BRCA1: variants seen among roughly 807,000 people sequenced by gnomAD.
The protein encoded by BRCA1 is BRCA1 DNA repair associated.
In BRCA1, 140 loss-of-function variants were observed where a neutral mutation model predicts 173.7. That is an observed-to-expected ratio of 0.81 (90% confidence interval 0.70 to 0.93). The LOEUF (loss-of-function observed/expected upper bound fraction) is 0.93. Among genes scored for constraint, BRCA1 ranks in the 40% least tolerant of loss-of-function variants. The pLI is 0.00. For missense variants in BRCA1, 1,983 were observed against 2,172.5 expected, an observed-to-expected ratio of 0.91 and a Z score of 1.73; for synonymous variants, 662 against 756.0, an observed-to-expected ratio of 0.88 and a Z score of 2.04.
At chr17:43,139,069 A>T (rs2056053366) in intron 1 of BRCA1, 1 of 664,408 alleles carries the variant, frequency 1.5e-6, no homozygotes, top group Non-Finnish European at 2.7e-6. Flanking sequence ...TATCTGGGGT[A>T]GTGTAACGTA....
chr17:43,110,640 C>A, intron 3 of BRCA1: 2 of 370,154 alleles, frequency 5.4e-6, no homozygotes, highest in Non-Finnish European at 1.1e-5. Flanking sequence ...ATTTATTGCT[C>A]ACATTCTATC....
At position 43,106,528 on chromosome 17, in the gene BRCA1, CA is replaced by C; in HGVS notation, c.139del (p.Cys47AlafsTer3). The C allele has an allele frequency of 6.3e-7, 1 of 1,590,446 alleles. No individual in the cohort carries two copies. Among genetic ancestry groups the C allele is most frequent in the South Asian group, 1.1e-5 (1 of 89,994 alleles). ...CTTCTGGTTGAGAAGTTTCAGCATG[CA>C]AAATCTATAAATTATAAAGAAAGAA... ...TKCDHIFCKF[C>X]MLKLLNQKKG... On this transcript the variant is annotated frameshift_variant, in exon 4 of 23. Coordinates refer to ENST00000357654, the MANE Select transcript of BRCA1 (RefSeq NM_007294.4). LOFTEE classifies it high-confidence loss of function.
chr17:43,065,985 T>C (rs1038035830), intron 16 of BRCA1, among the ~76,000 whole-genome samples: 1 of 152,206 alleles, frequency 6.6e-6, no homozygotes. Context: ...ATAAACACTC[T>C]CCAATTTGTC....
rs992823869 is a variant in BRCA1 at position 43,120,274 on chromosome 17, T to G, written c.80+3743A>C. On this transcript the variant is annotated intron_variant, in intron 2 of 22. Transcript: ENST00000357654. ...TAGAAGACAGCAGAAGGAATTTTAGTTCAAGAAACCTAAAACAGGCTGAAA... is the reference window on the plus strand; with the variant it reads ...TAGAAGACAGCAGAAGGAATTTTAGGTCAAGAAACCTAAAACAGGCTGAAA... 5.5e-4 allele frequency among the ~76,000 whole-genome samples: 83 copies of G among 152,206 alleles called. 2 individuals are homozygous for G. The highest frequency in any genetic ancestry group is 5.4e-3 in the Admixed American group (82 of 15,272).
chr17:43,063,854 A>T lies in BRCA1; in HGVS notation c.5152+20T>A, dbSNP rs376836050. The T allele has an allele frequency of 7.1e-5, 114 of 1,596,030 alleles. No individual in the cohort carries two copies. The highest frequency in any genetic ancestry group is 3.5e-4 in the Admixed American group (21 of 59,980). On this transcript the variant is annotated intron_variant, in intron 17 of 22. Transcript: ENST00000357654. Reference sequence around the variant, plus strand: ...TCTGAGGTGTTAAAGGGAGGAGGGGAGAAATAGTATTATACTTACAGAAAT... The same window carrying T: ...TCTGAGGTGTTAAAGGGAGGAGGGGTGAAATAGTATTATACTTACAGAAAT...
chr17:43,059,440 C>G (rs1291724426), intron 18 of BRCA1, among the ~76,000 whole-genome samples: 1 of 151,816 alleles, frequency 6.6e-6, no homozygotes, highest in Non-Finnish European at 1.5e-5. Flanking sequence ...TCCATGCACT[C>G]TAGCCTGGGC....
intron 11 of BRCA1, chr17:43,082,814 T>C (rs1054092509): frequency 1.4e-5 from 8 of 552,630 alleles, no homozygotes; most frequent in Non-Finnish European, 1.9e-5. Flanking sequence ...ATAGACTTGA[T>C]GTTATTGTGA....
At chr17:43,081,401 G>A (rs1232826688) in intron 12 of BRCA1, among the ~76,000 whole-genome samples, 2 of 152,164 alleles carry the variant, frequency 1.3e-5, no homozygotes, top group Non-Finnish European at 2.9e-5. Flanking sequence ...CACAACTGGG[G>A]ACCAAAGCCA....
chr17:43,111,683 G>T (rs531495665), intron 3 of BRCA1, among the ~76,000 whole-genome samples: 7 of 151,978 alleles, frequency 4.6e-5, no homozygotes, highest in East Asian at 3.9e-4. Flanking sequence ...TTAGCTGGGC[G>T]TGGTGGCAGG....
chr17:43,123,349 G>GTTTTTTTTTT, intron 2 of BRCA1, among the ~76,000 whole-genome samples: 1 of 85,168 alleles, frequency 1.2e-5, no homozygotes. Context: ...GATCATCCAT[G>GTTTTTTTTTT]TTTTTTTTTT....
In BRCA1 at chr17:43,104,126, G is replaced by A. The variant is rs1060502358; in HGVS notation, c.437C>T (p.Ser146Phe). ...RLLQSEPENP[S>F]LQETSLSVQL... is the part of the protein sequence containing the mutation. ...GAAGAAAACAAATGGTTTTACCAAG[G>A]AAGGATTTTCGGGTTCACTCTGTAG... Residue 146 changes from serine (S) to phenylalanine (F), a missense_variant, in exon 6 of 23, where the codon TCC (serine) becomes TTC (phenylalanine). Transcript: ENST00000357654. 6.2e-7 allele frequency: 1 copy of A among 1,613,322 alleles called. No individual in the cohort carries two copies. The highest frequency in any genetic ancestry group is 8.5e-7 in the Non-Finnish European group (1 of 1,179,664).
chr17:43,128,175 A>C (rs1036998716), upstream of BRCA1, among the ~76,000 whole-genome samples: 1 of 138,130 alleles, frequency 7.2e-6, no homozygotes, highest in Non-Finnish European at 1.6e-5. Context: ...CATAGCATTT[A>C]TCTGCTGGTA....
Position 43,086,109 on chromosome 17 carries a change from T to TACACAC in BRCA1, c.4186-3540_4186-3535dup, listed in dbSNP as rs376686434. 0.18 allele frequency among the ~76,000 whole-genome samples: 24,724 copies of TACACAC among 137,274 alleles called. 2,206 individuals carry two copies. Among genetic ancestry groups the TACACAC allele is most frequent in the South Asian group, 0.23 (999 of 4,266 alleles). The allele number at this position is 137,274 out of a possible 152,430, so 90.1% of individuals were successfully genotyped here. A position where few individuals can be genotyped will look rare whatever the true frequency, so the allele number is the denominator to read the frequency against. ...TCCTATATTTATTTTATCACATACA[T>TACACAC]ACACACACACACACACACACACACA... is the stretch of plus-strand genomic sequence containing the variant. On this transcript the variant is annotated intron_variant, in intron 11 of 22. Coordinates refer to ENST00000357654, the MANE Select transcript of BRCA1 (RefSeq NM_007294.4).
At chr17:43,048,510 C>A (rs1223738553) in intron 21 of BRCA1, among the ~76,000 whole-genome samples, 1 of 147,764 alleles carries the variant, frequency 6.8e-6, no homozygotes, top group Non-Finnish European at 1.5e-5. Context: ...TAGCTTTTCT[C>A]TCTCTCTCTT....
rs80357896 is a variant in BRCA1 at position 43,067,646 on chromosome 17, AG to A, written c.5035del (p.Leu1679Ter). The A allele has an allele frequency of 1.2e-6, 2 of 1,613,474 alleles. No individual in the cohort carries two copies. Among genetic ancestry groups the A allele is most frequent in the South Asian group, 2.2e-5 (2 of 91,078 alleles). ...ARKHHITLTN[L>X]ITEETTHVVM... The stretch of plus-strand genomic sequence containing the variant: ...AACATGAGTAGTCTCTTCAGTAATT[AG>A]ATTAGTTAAAGTGATGTGGTGTTTT... On this transcript the variant is annotated frameshift_variant, in exon 16 of 23. Coordinates refer to ENST00000357654, the MANE Select transcript of BRCA1 (RefSeq NM_007294.4). LOFTEE classifies it high-confidence loss of function.
chr17:43,074,776 C>A (rs1425591530), intron 13 of BRCA1, among the ~76,000 whole-genome samples: 1 of 152,020 alleles, frequency 6.6e-6, no homozygotes, highest in Non-Finnish European at 1.5e-5. Flanking sequence ...AGGTCAGTAG[C>A]TGGGTGTGGT....
At chr17:43,147,221 G>A (rs1356879265) in intron 1 of BRCA1, among the ~76,000 whole-genome samples, 1 of 151,474 alleles carries the variant, frequency 6.6e-6, no homozygotes, top group Non-Finnish European at 1.5e-5. Flanking sequence ...ACAGAGTCTC[G>A]CTCTGTAGCC....
At chr17:43,107,125 CA>C (rs2054828237) in intron 3 of BRCA1, among the ~76,000 whole-genome samples, 1 of 142,252 alleles carries the variant, frequency 7.0e-6, no homozygotes, top group African/African-American at 2.7e-5. Flanking sequence ...AGTGCAGTGG[CA>C]CGATCTCGGC....
At chr17:43,137,454 A>AGAG (rs2056036322) in intron 1 of BRCA1, among the ~76,000 whole-genome samples, 1 of 151,914 alleles carries the variant, frequency 6.6e-6, no homozygotes, top group Admixed American at 6.6e-5. Context: ...AAAGAATAAA[A>AGAG]GAGGTCCCTT....
Sources: gnomAD v4.1 joint callset for allele counts (sites outside exome capture counted in the v4.1 genomes callset) on GRCh38, gnomAD v4.1.1 for gene constraint, MANE v1.5 for transcripts, NCBI Gene and HGNC (gene_info 2026-07-23, HGNC 2026-07-21) for gene names.